Variants in ANGPT1 observed in about 807,000 individuals in gnomAD.
The protein encoded by ANGPT1 is angiopoietin-1.
ANGPT1 carries 17 observed loss-of-function variants against 62.2 expected under a neutral mutation model. The ratio of observed to expected loss-of-function variants is 0.27; its 90% CI spans 0.19 to 0.41. The LOEUF (loss-of-function observed/expected upper bound fraction) is 0.41. Ranked by LOEUF, ANGPT1 falls within the 10% of genes least tolerant of loss-of-function variation. ANGPT1 has a pLI of 1.00. For synonymous variants in ANGPT1, 199 were observed against 198.9 expected (o/e 1.00, Z 0.00); for missense variants, 478 against 594.9 (o/e 0.80, Z 2.04).
chr8:107,419,526 A>G (rs1311911444), intron 1 of ANGPT1, among the ~76,000 whole-genome samples: 1 of 152,182 alleles, frequency 6.6e-6, no homozygotes, highest in Non-Finnish European at 1.5e-5. Flanking sequence ...GCATAAAAAT[A>G]TGTGCTTACT....
chr8:107,278,458 C>T (rs773466449), intron 7 of ANGPT1, among the ~76,000 whole-genome samples: 4 of 151,944 alleles, frequency 2.6e-5, no homozygotes, highest in South Asian at 2.1e-4. Context: ...CTTTTTGATT[C>T]GAGGATATTA....
intron 7 of ANGPT1, among the ~76,000 whole-genome samples, chr8:107,279,732 T>TAC (rs1563547445): frequency 6.8e-6 from 1 of 147,762 alleles, no homozygotes; most frequent in African/African-American, 2.5e-5. Context: ...CACACACACA[T>TAC]ACACACACAC....
chr8:107,376,530 T>C (rs1329951081), intron 1 of ANGPT1, among the ~76,000 whole-genome samples: 1 of 152,088 alleles, frequency 6.6e-6, no homozygotes, highest in East Asian at 1.9e-4. Flanking sequence ...GCACACTTGT[T>C]TGTTTGTTTT....
intron 8 of ANGPT1, 136 bp downstream of exon 8, chr8:107,264,084 TG>T: frequency 1.9e-6 from 2 of 1,067,674 alleles, no homozygotes; most frequent in Non-Finnish European, 2.5e-6. Flanking sequence ...GGTAAATTCG[TG>T]GGCAGAACAA....
At chr8:107,450,721 T>TGG (rs1250537265) in intron 1 of ANGPT1, among the ~76,000 whole-genome samples, 5 of 146,118 alleles carry the variant, frequency 3.4e-5, no homozygotes, top group Non-Finnish European at 7.7e-5. Context: ...TGTGTGTGTG[T>TGG]GTGTGTGTGC....
chr8:107,485,977 T>C (rs1266410361), intron 1 of ANGPT1, among the ~76,000 whole-genome samples: 1 of 152,232 alleles, frequency 6.6e-6, no homozygotes, highest in Non-Finnish European at 1.5e-5. Flanking sequence ...CGTGGGATTC[T>C]GCGGTCTGTT....
chr8:107,284,430 T>C (rs542475012), intron 7 of ANGPT1: 1 of 252,574 alleles, frequency 4.0e-6, no homozygotes, highest in East Asian at 7.3e-5. Flanking sequence ...AACAACAGTA[T>C]GCTTGACTTC....
chr8:107,317,717 G>A (rs930696048), intron 4 of ANGPT1, among the ~76,000 whole-genome samples: 4 of 150,740 alleles, frequency 2.7e-5, no homozygotes, highest in African/African-American at 4.9e-5. Context: ...TGCAACCTTC[G>A]CCTCCTGGGT....
intron 1 of ANGPT1, among the ~76,000 whole-genome samples, chr8:107,453,760 A>G (rs1194043767): frequency 6.6e-6 from 1 of 152,042 alleles, no homozygotes; most frequent in African/African-American, 2.4e-5. Context: ...TAGATGCTCA[A>G]CAGTAGATGA....
chr8:107,333,992 G>GGGAGGGAA (rs1292586069), intron 3 of ANGPT1, among the ~76,000 whole-genome samples: 1 of 27,176 alleles, frequency 3.7e-5, no homozygotes, highest in African/African-American at 7.8e-5. Flanking sequence ...GAGGGAGGGA[G>GGGAGGGAA]GGAGGGAAGG....
At chr8:107,437,286 C>A (rs753204368) in intron 1 of ANGPT1, among the ~76,000 whole-genome samples, 8 of 152,084 alleles carry the variant, frequency 5.3e-5, no homozygotes, top group Non-Finnish European at 7.4e-5. Flanking sequence ...AAAAAGTGTT[C>A]GTTTCTCCTT....
chr8:107,497,201 T>A, intron 1 of ANGPT1, 61 bp downstream of exon 1: 1 of 1,547,640 alleles, frequency 6.5e-7, no homozygotes, highest in Non-Finnish European at 8.8e-7. Context: ...AACTTTAAGT[T>A]AGCTGCAGTG....
At chr8:107,404,661 T>C (rs939551317) in intron 1 of ANGPT1, among the ~76,000 whole-genome samples, 2 of 152,152 alleles carry the variant, frequency 1.3e-5, no homozygotes, top group African/African-American at 4.8e-5. Context: ...ATGAACATTT[T>C]GTACATCAAT....
chr8:107,413,839 G>T (rs1810656409), intron 1 of ANGPT1, among the ~76,000 whole-genome samples: 1 of 152,094 alleles, frequency 6.6e-6, no homozygotes, highest in Non-Finnish European at 1.5e-5. Context: ...TTTGTAATAT[G>T]ATGGCAGGGC....
chr8:107,356,716 A>G (rs1226498675), intron 1 of ANGPT1, among the ~76,000 whole-genome samples: 2 of 152,242 alleles, frequency 1.3e-5, no homozygotes, highest in African/African-American at 4.8e-5. Flanking sequence ...TGCTTAGGCA[A>G]GATGACTCTC....
Position 107,316,649 on chromosome 8 carries a change from T to C in ANGPT1, c.808+5247A>G, listed in dbSNP as rs533050227. Among the ~76,000 whole-genome samples, 17 of 152,306 alleles carry C rather than the reference T, an allele frequency of 1.1e-4. No homozygotes were observed. In the South Asian group the frequency reaches 3.5e-3, roughly 32 times the overall value. ...CAAATATCACCATTATCATCATATA[T>C]TGACAATGACTGCTCATTGATTTTA... On this transcript the variant is annotated intron_variant, in intron 4 of 8. Transcript: ENST00000517746.
chr8:107,464,409 G>A (rs868774324), intron 1 of ANGPT1, among the ~76,000 whole-genome samples: 8 of 151,806 alleles, frequency 5.3e-5, no homozygotes, highest in East Asian at 1.9e-4. Context: ...GTTTACACTC[G>A]CTGAAAATAC....
In ANGPT1 at chr8:107,257,876, G is replaced by GTTTTTTTTT. The variant is rs1371396961; in HGVS notation, c.1337-5862_1337-5861insAAAAAAAAA. ...CTCTTCAGGCCAAGGACTTGTTTTT[G>GTTTTTTTTT]TTTCTTTTTTGTTTGTTTGTTTGTT... On this transcript the variant is annotated intron_variant, in intron 8 of 8. Transcript: ENST00000517746. Among the ~76,000 whole-genome samples the GTTTTTTTTT allele has an allele frequency of 1.8e-3, 150 of 85,168 alleles. 8 individuals are homozygous for GTTTTTTTTT. Among genetic ancestry groups the GTTTTTTTTT allele is most frequent in the South Asian group, 3.0e-3 (7 of 2,322 alleles). The allele number at this position is 85,168 out of a possible 152,430, so 55.9% of individuals were successfully genotyped here. A position where few individuals can be genotyped will look rare whatever the true frequency, so the allele number is the denominator to read the frequency against.
rs1009244727 is a variant in ANGPT1, at chr8:107,416,111, G to A, written c.298-69014C>T. On this transcript the variant is annotated intron_variant, in intron 1 of 8. Coordinates refer to ENST00000517746, the MANE Select transcript of ANGPT1 (RefSeq NM_001146.5). ...GCAATCAATCAATCAATTCTGCAGG[G>A]GAAATCAGCTGGGTGTCTTCTAGTT... 2.0e-5 allele frequency among the ~76,000 whole-genome samples: 3 copies of A among 152,078 alleles called. No individual in the cohort carries two copies. The East Asian group carries it at 5.8e-4, about 29-fold the overall frequency.
Sources: allele counts gnomAD v4.1 joint callset (sites outside exome capture counted in the v4.1 genomes callset), GRCh38; gene constraint gnomAD v4.1.1; transcripts MANE v1.5; gene names NCBI Gene and HGNC (gene_info 2026-07-23, HGNC 2026-07-21).